STK3: variants seen among roughly 807,000 people sequenced by gnomAD.
STK3 encodes serine/threonine kinase 3.
Under a neutral mutation model 58.0 loss-of-function variants are expected in STK3, and 41 were observed. That is an observed-to-expected ratio of 0.71 (90% CI 0.55 to 0.92). STK3 has a LOEUF of 0.92. STK3 is among the 40% of genes least tolerant of loss of function. STK3 has a pLI of 0.00. For synonymous variants in STK3, 170 were observed against 191.0 expected, an observed-to-expected ratio of 0.89 and a Z score of 0.91; for missense variants, 479 against 602.7, an observed-to-expected ratio of 0.79 and a Z score of 2.15.
At chr8:98,902,711 A>G (rs1274575242) in intron 1 of STK3, among the ~76,000 whole-genome samples, 1 of 152,240 alleles carries the variant, frequency 6.6e-6, no homozygotes, top group Non-Finnish European at 1.5e-5. Context: ...AAATGGGGTC[A>G]TGTCACTATC....
chr8:98,665,240 G>A (rs1056376494), intron 6 of STK3, among the ~76,000 whole-genome samples: 2 of 152,174 alleles, frequency 1.3e-5, no homozygotes, highest in African/African-American at 4.8e-5. Flanking sequence ...GTATTAGAGA[G>A]AACAAAATGC....
intron 10 of STK3, among the ~76,000 whole-genome samples, chr8:98,508,403 T>C (rs1270959699): frequency 6.6e-6 from 1 of 152,054 alleles, no homozygotes; most frequent in East Asian, 1.9e-4. Context: ...TTACACAAAA[T>C]GTCAAGACAG....
intron 6 of STK3, among the ~76,000 whole-genome samples, chr8:98,601,176 A>G (rs1414552534): frequency 6.6e-6 from 1 of 152,060 alleles, no homozygotes; most frequent in Non-Finnish European, 1.5e-5. Flanking sequence ...TCCTGACTCT[A>G]TTTAAATATA....
intron 3 of STK3, chr8:98,430,049 G>C (rs772193798): frequency 3.6e-5 from 6 of 167,088 alleles, no homozygotes; most frequent in Non-Finnish European, 7.3e-5. Flanking sequence ...TCTTTAGAAC[G>C]ATGTACACTG....
chr8:98,737,841 G>A (rs1360106459), intron 4 of STK3, among the ~76,000 whole-genome samples: 1 of 152,086 alleles, frequency 6.6e-6, no homozygotes, highest in Non-Finnish European at 1.5e-5. Context: ...CAGAGTAGCT[G>A]GGATTATAGG....
At chr8:98,694,973 C>T (rs113364867) in intron 6 of STK3, among the ~76,000 whole-genome samples, 4,884 of 152,218 alleles carry the variant, frequency 0.032, 87 homozygotes, top group Middle Eastern at 0.085. Context: ...ATCAACAGTG[C>T]AAAAGTGTTC....
At chr8:98,398,768 T>G (rs909514337), downstream of STK3, among the ~76,000 whole-genome samples, 1 of 152,194 alleles carries the variant, frequency 6.6e-6, no homozygotes, top group African/African-American at 2.4e-5. Context: ...CTTTTACATC[T>G]TTGGAGAAGA....
intron 6 of STK3, among the ~76,000 whole-genome samples, chr8:98,697,223 T>A (rs1289992484): frequency 6.6e-6 from 1 of 152,238 alleles, no homozygotes; most frequent in Non-Finnish European, 1.5e-5. Flanking sequence ...TCATTTTTTA[T>A]TGTGTCTATT....
the STK3 span, among the ~76,000 whole-genome samples, chr8:98,347,829 G>A: frequency 4.7e-4 from 71 of 152,158 alleles, 1 homozygote; most frequent in African/African-American, 1.6e-3. Context: ...CAAGATATTC[G>A]TTCTTTCCAG....
At chr8:98,370,619 A>C (rs905856551), downstream of STK3, among the ~76,000 whole-genome samples, 16 of 152,330 alleles carry the variant, frequency 1.1e-4, no homozygotes, top group African/African-American at 3.8e-4. Flanking sequence ...GTGGGGTGTC[A>C]GCACAAATGT....
chr8:98,519,951 C>T (rs1825226423), intron 10 of STK3, among the ~76,000 whole-genome samples: 1 of 151,988 alleles, frequency 6.6e-6, no homozygotes, highest in Non-Finnish European at 1.5e-5. Flanking sequence ...AAATTTGGAA[C>T]CAATGTAGTG....
At chr8:98,889,427 A>G (rs1041969047) in intron 1 of STK3, among the ~76,000 whole-genome samples, 1 of 152,100 alleles carries the variant, frequency 6.6e-6, no homozygotes, top group Non-Finnish European at 1.5e-5. Flanking sequence ...AATAAACTAC[A>G]TTTCCCAAAG....
intron 3 of STK3, among the ~76,000 whole-genome samples, chr8:98,762,571 G>T (rs1027284673): frequency 1.5e-4 from 23 of 152,212 alleles, no homozygotes; most frequent in African/African-American, 5.5e-4. Flanking sequence ...ATTCTTTGTT[G>T]TATCTCTTGT....
chr8:98,534,436 C>G lies in STK3; in HGVS notation c.1142-7519G>C, dbSNP rs556892390. Among the ~76,000 whole-genome samples, 5 of 152,232 alleles carry G rather than the reference C, an allele frequency of 3.3e-5. No individual in the cohort carries two copies. In the South Asian group the frequency reaches 1.0e-3, roughly 32 times the overall value. On this transcript the variant is annotated intron_variant, in intron 9 of 10. Transcript: ENST00000419617. ...TTCAGCATGAAAACAGCCAAAGCTG[C>G]CTTTAGATTTCCTGTCATAACAGAC...
intron 10 of STK3, among the ~76,000 whole-genome samples, chr8:98,497,031 AC>A (rs1823191101): frequency 6.6e-6 from 1 of 152,170 alleles, no homozygotes; most frequent in African/African-American, 2.4e-5. Context: ...GTGGACACAC[AC>A]TTTTCAACTT....
At chr8:98,937,562 C>A (rs938084207) in intron 1 of STK3, among the ~76,000 whole-genome samples, 3 of 152,220 alleles carry the variant, frequency 2.0e-5, no homozygotes, top group African/African-American at 7.2e-5. Context: ...ATTCCACCTT[C>A]CTTGTCCTCA....
At chr8:98,750,086 A>C (rs1386062965) in intron 3 of STK3, among the ~76,000 whole-genome samples, 1 of 152,158 alleles carries the variant, frequency 6.6e-6, no homozygotes, top group Non-Finnish European at 1.5e-5. Flanking sequence ...TCATATTCAA[A>C]AAATGCATAG....
intron 6 of STK3, among the ~76,000 whole-genome samples, chr8:98,616,340 C>A (rs945311657): frequency 2.2e-4 from 32 of 142,750 alleles, no homozygotes; most frequent in Non-Finnish European, 2.8e-4. Flanking sequence ...ACAACCAGTA[C>A]CAGCCGCTGC....
rs1817798789 is a variant in STK3, at chr8:98,387,064, C to A, written n.56+1128G>T. Among the ~76,000 whole-genome samples, 3 of 151,020 alleles carry A rather than the reference C, an allele frequency of 2.0e-5. No homozygotes were observed. The South Asian group carries it at 6.3e-4, about 32-fold the overall frequency. On this transcript the variant is annotated intron_variant and non_coding_transcript_variant, in intron 1 of 2. Transcript: ENST00000518704. ...AAAAATGGAAAATAAATAAAACAAG[C>A]CTAACTGTGTATCAATTTGGTGACT... is the stretch of plus-strand genomic sequence containing the variant.
Sources: allele counts gnomAD v4.1 joint callset (sites outside exome capture counted in the v4.1 genomes callset), GRCh38; gene constraint gnomAD v4.1.1; transcripts MANE v1.5; gene names NCBI Gene and HGNC (gene_info 2026-07-23, HGNC 2026-07-21).